CCDC73: variants seen among roughly 807,000 people sequenced by gnomAD.
CCDC73 encodes the protein coiled-coil domain-containing protein 73.
In CCDC73, 95 loss-of-function variants were observed where a neutral mutation model predicts 116.5. That is an observed-to-expected ratio of 0.82 (90% CI 0.69 to 0.97). CCDC73 has a LOEUF of 0.97. Ranked by LOEUF, CCDC73 falls within the 50% of genes least tolerant of loss-of-function variation. The probability of loss-of-function intolerance (pLI) is 0.00; values close to 1 mark genes in which losing one functional copy is unlikely to be tolerated. For synonymous variants in CCDC73, 398 were observed against 401.3 expected (o/e 0.99, Z 0.10); for missense variants, 1,066 against 1,206.8 (o/e 0.88, Z 1.73).
intron 7 of CCDC73, among the ~76,000 whole-genome samples, chr11:32,679,690 T>A (rs1050076276): frequency 1.3e-5 from 2 of 152,132 alleles, no homozygotes; most frequent in African/African-American, 2.4e-5. Context: ...GATTTTTGAT[T>A]CTAATCAATA....
chr11:32,742,788 G>C (rs1029039283), intron 2 of CCDC73, among the ~76,000 whole-genome samples: 1 of 152,126 alleles, frequency 6.6e-6, no homozygotes, highest in Non-Finnish European at 1.5e-5. Context: ...TATGGTCCTA[G>C]GTCTTTCATT....
chr11:32,800,221 T>C, the CCDC73 span, among the ~76,000 whole-genome samples: 1 of 152,128 alleles, frequency 6.6e-6, no homozygotes, highest in Non-Finnish European at 1.5e-5. Flanking sequence ...TACAAATAAT[T>C]ATCTAGAAGA....
intron 3 of CCDC73, among the ~76,000 whole-genome samples, chr11:32,709,044 A>G (rs957764533): frequency 4.6e-5 from 7 of 152,184 alleles, no homozygotes; most frequent in South Asian, 4.1e-4. Flanking sequence ...TGGGTTTGTC[A>G]TAGATGGCTT....
rs773064565 is a variant in CCDC73 at position 32,614,602 on chromosome 11, G to C, written c.1716C>G (p.Asn572Lys). The C allele has an allele frequency of 2.5e-6, 4 of 1,611,138 alleles. No individual in the cohort carries two copies. The highest frequency in any genetic ancestry group is 3.4e-6 in the Non-Finnish European group (4 of 1,177,896). The change falls in exon 16 of 18, where the codon AAC becomes AAG. Residue 572 changes from asparagine (N) to lysine (K), a missense_variant. Physicochemically the swap from Asn to Lys is moderately conservative, Grantham distance 94. Transcript: ENST00000335185. ...HTDVNLEVEN[N>K]KTSFNSILNE... ...TTAAAATACTGTTAAATGATGTTTT[G>C]TTATTTTCAACCTCCAGATTTACAT...
chr11:32,673,941 T>C (rs1856061672), intron 9 of CCDC73, among the ~76,000 whole-genome samples: 1 of 151,908 alleles, frequency 6.6e-6, no homozygotes, highest in South Asian at 2.1e-4. Flanking sequence ...TTGAGAGAAG[T>C]AGTGATCTGT....
intron 2 of CCDC73, among the ~76,000 whole-genome samples, chr11:32,757,912 A>G (rs541471231): frequency 2.6e-5 from 4 of 152,316 alleles, no homozygotes; most frequent in Admixed American, 2.6e-4. Context: ...ATAAGGTAAC[A>G]TATTCACAGG....
At chr11:32,695,774 TAAAAAAA>T (rs59419534) in intron 6 of CCDC73, among the ~76,000 whole-genome samples, 1 of 129,502 alleles carries the variant, frequency 7.7e-6, no homozygotes, top group South Asian at 2.6e-4. Flanking sequence ...AGTTTGGTTG[TAAAAAAA>T]AAAAAAAAAA....
chr11:32,710,237 A>G (rs542880866), intron 3 of CCDC73, among the ~76,000 whole-genome samples: 3 of 150,888 alleles, frequency 2.0e-5, no homozygotes, highest in Non-Finnish European at 4.4e-5. Flanking sequence ...CTGGGTTTGG[A>G]TTGTTCTTGT....
intron 2 of CCDC73, among the ~76,000 whole-genome samples, chr11:32,740,569 G>T (rs1351510956): frequency 6.6e-6 from 1 of 151,524 alleles, no homozygotes; most frequent in African/African-American, 2.4e-5. Context: ...TATTTATTTG[G>T]GTCTTTTCTC....
chr11:32,615,827 A>G (rs1855468292), intron 15 of CCDC73, 113 bp downstream of exon 15: 2 of 1,030,208 alleles, frequency 1.9e-6, no homozygotes, highest in Non-Finnish European at 2.7e-6. Flanking sequence ...CCAGAATCCA[A>G]AAAGACTAGG....
the CCDC73 span, among the ~76,000 whole-genome samples, chr11:32,824,763 C>T: frequency 0.01 from 1,579 of 152,256 alleles, 25 homozygotes; most frequent in African/African-American, 0.036. Flanking sequence ...AAAGAAACCA[C>T]GCTTTAAAAT....
the CCDC73 span, among the ~76,000 whole-genome samples, chr11:32,812,299 C>T: frequency 3.9e-5 from 6 of 152,106 alleles, no homozygotes; most frequent in African/African-American, 7.2e-5. Context: ...GTGGGAGGAT[C>T]GCTTGAGGCC....
intron 1 of CCDC73, among the ~76,000 whole-genome samples, chr11:32,769,832 G>A (rs533661220): frequency 6.6e-6 from 1 of 152,204 alleles, no homozygotes; most frequent in African/African-American, 2.4e-5. Context: ...ACTAATTAAA[G>A]TGGTCCCTTC....
the CCDC73 span, among the ~76,000 whole-genome samples, chr11:32,815,686 A>C: frequency 6.6e-6 from 1 of 152,196 alleles, no homozygotes; most frequent in African/African-American, 2.4e-5. Context: ...ATTTTGGAAA[A>C]GAGATGGTAA....
At chr11:32,646,864 C>G (rs1359344240) in intron 12 of CCDC73, among the ~76,000 whole-genome samples, 3 of 152,048 alleles carry the variant, frequency 2.0e-5, no homozygotes, top group Non-Finnish European at 4.4e-5. Context: ...TCTTTTGGTT[C>G]TACTTTTTAG....
chr11:32,715,991 A>G (rs1335608028), intron 3 of CCDC73, among the ~76,000 whole-genome samples: 1 of 152,004 alleles, frequency 6.6e-6, no homozygotes, highest in Non-Finnish European at 1.5e-5. Flanking sequence ...ATCTGCCTAA[A>G]TCTGCTTGCA....
intron 17 of CCDC73, chr11:32,606,405 A>T (rs1479235347): frequency 1.1e-4 from 16 of 152,224 alleles, no homozygotes; most frequent in Admixed American, 1.0e-3. Context: ...CCTTTACAAT[A>T]TGCAAAGGAA....
At position 32,719,662 on chromosome 11, in the gene CCDC73, G is replaced by C. The variant is rs147648631; in HGVS notation, c.136-1515C>G. Among the ~76,000 whole-genome samples the C allele has an allele frequency of 8.1e-4, 124 of 152,312 alleles. 1 individual carries two copies. The highest frequency in any genetic ancestry group is 3.0e-3 in the African/African-American group (124 of 41,594). On this transcript the variant is annotated intron_variant, in intron 2 of 17. Coordinates refer to ENST00000335185, the MANE Select transcript of CCDC73 (RefSeq NM_001008391.4). ...TATACTTTAGGAAGCCCAGAAATTAGATGTACTACATAAAACTTTTAATCA... is the reference window on the plus strand; with the variant it reads ...TATACTTTAGGAAGCCCAGAAATTACATGTACTACATAAAACTTTTAATCA...
chr11:32,683,366 T>A, intron 7 of CCDC73, 170 bp downstream of exon 7: 1 of 625,760 alleles, frequency 1.6e-6, no homozygotes, highest in Non-Finnish European at 2.9e-6. Context: ...AATAATTCAT[T>A]TATGCAACAT....
Sources: allele counts gnomAD v4.1 joint callset (sites outside exome capture counted in the v4.1 genomes callset), GRCh38; gene constraint gnomAD v4.1.1; transcripts MANE v1.5; gene names NCBI Gene and HGNC (gene_info 2026-07-23, HGNC 2026-07-21).